Variants in GDPD3 observed in about 807,000 individuals in gnomAD.
GDPD3 encodes the protein glycerophosphodiester phosphodiesterase domain containing 3.
Under a neutral mutation model 43.7 loss-of-function variants are expected in GDPD3, and 40 were observed. The ratio of observed to expected loss-of-function variants is 0.91; its 90% CI spans 0.71 to 1.19. GDPD3 has a LOEUF of 1.19. GDPD3 is among the 50% of genes most tolerant of loss of function. The pLI, the probability that GDPD3 is intolerant of heterozygous loss-of-function variation, is 0.00. For synonymous variants in GDPD3, 145 were observed against 162.9 expected (o/e 0.89, Z 0.84); for missense variants, 363 against 415.8 (o/e 0.87, Z 1.11).
chr16:30,104,882 C>T lies in GDPD3; in HGVS notation c.947G>A (p.Arg316Gln), dbSNP rs780275940. The T allele has an allele frequency of 1.5e-5, 24 of 1,612,310 alleles. No homozygotes were observed. Among genetic ancestry groups the T allele is most frequent in the East Asian group, 2.2e-5 (1 of 44,898 alleles). ...TCGAGGCTTCTGGACTTAGGAGGTC[C>T]GGGCAGCTGGTCCATGGTTGTCCAG... ...HYLDNHGPAARTS is the reference protein window; with the variant it reads ...HYLDNHGPAAQTS Residue 316 changes from arginine to glutamine, a missense_variant, in exon 10 of 10, where the codon CGG becomes CAG. Physicochemically the swap from Arg to Gln is conservative, Grantham distance 43. Transcript: ENST00000406256.
chr16:30,113,355 C>G lies in GDPD3; in HGVS notation c.124G>C (p.Gly42Arg), dbSNP rs768216467. Residue 42 changes from glycine (G) to arginine (R), a missense_variant, in exon 1 of 10, where the codon GGG becomes CGG. Physicochemically the swap from Gly to Arg is moderately radical, Grantham distance 125 (BLOSUM62 -2). Coordinates refer to ENST00000406256, the MANE Select transcript of GDPD3 (RefSeq NM_024307.3). The surrounding 1 kb of genome is among the most constrained non-coding windows in gnomAD (Gnocchi z 5.9). The stretch of plus-strand genomic sequence containing the variant: ...CCCGGCTCACCTCCTCGGTGGGCCC[C>G]CAGGCGGATGCGGAAGGTGGGAGCC... ...PRAPTFRIRL[G>R]AHRGGSGELL... The G allele has an allele frequency of 6.2e-7, 1 of 1,605,190 alleles. No individual in the cohort carries two copies. The highest frequency in any genetic ancestry group is 1.3e-5 in the African/African-American group (1 of 74,866).
chr16:30,112,282 C>A lies in GDPD3; in HGVS notation c.483+24G>T. On this transcript the variant is annotated intron_variant, in intron 5 of 9. Coordinates refer to ENST00000406256, the MANE Select transcript of GDPD3 (RefSeq NM_024307.3). The surrounding 1 kb of genome is among the most constrained non-coding windows in gnomAD (Gnocchi z 5.4). Reference sequence around the variant, plus strand: ...GCCTCTCTCACGCCCCCGGTGGCCGCCCTAGCCCTGCCTGCAGCACCACCT... The same window carrying A: ...GCCTCTCTCACGCCCCCGGTGGCCGACCTAGCCCTGCCTGCAGCACCACCT... 6.2e-7 allele frequency: 1 copy of A among 1,613,564 alleles called. No individual in the cohort carries two copies. The highest frequency in any genetic ancestry group is 8.5e-7 in the Non-Finnish European group (1 of 1,179,468).
At chr16:30,108,795 GCTT>G (rs751425535) in intron 7 of GDPD3, among the ~76,000 whole-genome samples, 59 of 152,034 alleles carry the variant, frequency 3.9e-4, no homozygotes, top group Non-Finnish European at 6.6e-4. Flanking sequence ...GGCCTGGCCA[GCTT>G]CTTATTTATC....
Position 30,112,802 on chromosome 16 carries a change from G to T in GDPD3, c.183-9C>A. ...AGCGCTGGGCCATGGAGCTGTGGGG[G>T]TGAAGGTCAGCGGGGGGCAGGGGCA... On this transcript the variant is annotated splice_polypyrimidine_tract_variant and intron_variant, in intron 2 of 9. Coordinates refer to ENST00000406256, the MANE Select transcript of GDPD3 (RefSeq NM_024307.3). This position sits in a 1 kb window ranked among gnomAD's most constrained non-coding sequence, Gnocchi z 5.4. 1 of 1,606,400 alleles carries T rather than the reference G, an allele frequency of 6.2e-7. No individual in the cohort carries two copies. The highest frequency in any genetic ancestry group is 8.5e-7 in the Non-Finnish European group (1 of 1,179,672).
chr16:30,108,955 T>C (rs947333875), intron 7 of GDPD3, among the ~76,000 whole-genome samples: 6 of 151,814 alleles, frequency 4.0e-5, no homozygotes, highest in African/African-American at 7.3e-5. Context: ...CCTCAGCCTC[T>C]TGAGTAGCTG....
Position 30,111,785 on chromosome 16 carries a change from T to G in GDPD3, c.574-264A>C, listed in dbSNP as rs1037540921. ...CCATCTCTACTAAAAATACAAAAAT[T>G]AGCTGGGCGTGGTGGCGTGCACCTG... On this transcript the variant is annotated intron_variant, in intron 6 of 9. Coordinates refer to ENST00000406256, the MANE Select transcript of GDPD3 (RefSeq NM_024307.3). The G allele has an allele frequency of 1.7e-5, 9 of 514,496 alleles. No homozygotes were observed. In the Admixed American group the frequency reaches 3.1e-4, roughly 18 times the overall value. The allele number at this position is 514,496 out of a possible 1,614,324, so 31.9% of individuals were successfully genotyped here.
At chr16:30,105,957 A>G (rs2072857956) in intron 9 of GDPD3, among the ~76,000 whole-genome samples, 1 of 151,522 alleles carries the variant, frequency 6.6e-6, no homozygotes, top group Non-Finnish European at 1.5e-5. Flanking sequence ...CTAAAAACAG[A>G]AAAATTAGCT....
In GDPD3 at chr16:30,112,841, A is replaced by AG. The variant is rs2072914306; in HGVS notation, c.183-49dup. On this transcript the variant is annotated intron_variant, in intron 2 of 9. Coordinates refer to ENST00000406256, the MANE Select transcript of GDPD3 (RefSeq NM_024307.3). The surrounding 1 kb of genome is among the most constrained non-coding windows in gnomAD (Gnocchi z 5.4). The stretch of plus-strand genomic sequence containing the variant: ...GGGGCAGGGGCAGGGGACTGGGATG[A>AG]GGGGCATGGTGGCTGGGAGGTGGCC... The AG allele has an allele frequency of 6.3e-7, 1 of 1,588,660 alleles. No individual in the cohort carries two copies. Among genetic ancestry groups the AG allele is most frequent in the African/African-American group, 1.3e-5 (1 of 74,168 alleles).
Position 30,112,942 on chromosome 16 carries a change from G to T in GDPD3, c.182+80C>A. The T allele has an allele frequency of 6.6e-7, 1 of 1,514,346 alleles. No homozygotes were observed. The highest frequency in any genetic ancestry group is 1.1e-5 in the South Asian group (1 of 88,374). The allele number at this position is 1,514,346 out of a possible 1,614,324, so 93.8% of individuals were successfully genotyped here. On this transcript the variant is annotated intron_variant, in intron 2 of 9. Coordinates refer to ENST00000406256, the MANE Select transcript of GDPD3 (RefSeq NM_024307.3). This position sits in a 1 kb window ranked among gnomAD's most constrained non-coding sequence, Gnocchi z 5.4. ...GGCGCCAGTCACCCAGCTAGGAAGT[G>T]AATGGCGTCCCTTGCTGTGATGCAG...
At chr16:30,106,380 C>A (rs1291364896) in intron 9 of GDPD3, among the ~76,000 whole-genome samples, 1 of 152,074 alleles carries the variant, frequency 6.6e-6, no homozygotes, top group Admixed American at 6.6e-5. Context: ...TCAGGGCTTT[C>A]ATTTGTTCCT....
chr16:30,108,538 C>T (rs2072876618), intron 7 of GDPD3, 106 bp from the exon 8 acceptor site: 6 of 876,086 alleles, frequency 6.8e-6, no homozygotes, highest in Non-Finnish European at 1.1e-5. Flanking sequence ...GCCCTCCCAC[C>T]CCCCAGAATC....
rs1020242421 is a variant in GDPD3 at position 30,112,892 on chromosome 16, C to T, written c.183-99G>A. ...GGGAATGTGAGAGCGGAGTTCGTGG[C>T]GGGATGTGCAGGCCACCTCCAGGGG... On this transcript the variant is annotated intron_variant, in intron 2 of 9. Coordinates refer to ENST00000406256, the MANE Select transcript of GDPD3 (RefSeq NM_024307.3). The surrounding 1 kb of genome is among the most constrained non-coding windows in gnomAD (Gnocchi z 5.4). 4.6e-6 allele frequency: 7 copies of T among 1,516,452 alleles called. No individual in the cohort carries two copies. Among genetic ancestry groups the T allele is most frequent in the African/African-American group, 1.4e-5 (1 of 73,100 alleles). The allele number at this position is 1,516,452 out of a possible 1,614,324, so 93.9% of individuals were successfully genotyped here. A position where few individuals can be genotyped will look rare whatever the true frequency, so the allele number is the denominator to read the frequency against.
Position 30,112,168 on chromosome 16 carries a change from C to T in GDPD3, c.537G>A (p.Ser179=), listed in dbSNP as rs548222497. The T allele has an allele frequency of 1.4e-5, 22 of 1,614,086 alleles. No homozygotes were observed. In the East Asian group the frequency reaches 2.0e-4, roughly 15 times the overall value. ...YDRNEITIWA[S]EKSSVMKKCK... is the part of the protein sequence containing the mutation. Reference sequence around the variant, plus strand: ...ATTTCTTCATGACCGAGCTCTTCTCCGAGGCCCAGATGGTGATTTCATTAC... The same window carrying T: ...ATTTCTTCATGACCGAGCTCTTCTCTGAGGCCCAGATGGTGATTTCATTAC... The change falls in exon 6 of 10, where the codon TCG becomes TCA. Residue 179 remains serine (S), a synonymous_variant. Transcript: ENST00000406256. The surrounding 1 kb of genome is among the most constrained non-coding windows in gnomAD (Gnocchi z 5.4).
rs150037677 is a variant in GDPD3, at chr16:30,108,212, C to T, written c.819+1G>A. On this transcript the variant is annotated splice_donor_variant, in intron 9 of 9. Coordinates refer to ENST00000406256, the MANE Select transcript of GDPD3 (RefSeq NM_024307.3). LOFTEE classifies it high-confidence loss of function. ...GGTGGAAGTGGTGGTCACGGCCTCACCTGCACCCCTCGCTCCTCCAAGTGT... is the reference window on the plus strand; with the variant it reads ...GGTGGAAGTGGTGGTCACGGCCTCATCTGCACCCCTCGCTCCTCCAAGTGT... 7 of 1,596,782 alleles carry T rather than the reference C, an allele frequency of 4.4e-6. No individual in the cohort carries two copies. The highest frequency in any genetic ancestry group is 2.2e-5 in the East Asian group (1 of 44,626).
chr16:30,110,179 G>A (rs2072889080), intron 7 of GDPD3, among the ~76,000 whole-genome samples: 1 of 152,140 alleles, frequency 6.6e-6, no homozygotes, highest in Non-Finnish European at 1.5e-5. Context: ...GGTCACGCCT[G>A]TAATCCCAGC....
intron 9 of GDPD3, among the ~76,000 whole-genome samples, chr16:30,105,749 C>T (rs1480068236): frequency 4.0e-5 from 6 of 149,638 alleles, no homozygotes; most frequent in Non-Finnish European, 5.9e-5. Context: ...GTGATCCACC[C>T]GCCTCGGCCT....
Position 30,108,064 on chromosome 16 carries a change from G to T in GDPD3, c.819+149C>A. 3 of 614,850 alleles carry T rather than the reference G, an allele frequency of 4.9e-6. No homozygotes were observed. The South Asian group carries it at 5.9e-5, about 12-fold the overall frequency. 38.1% of individuals were successfully genotyped at this position (614,850 alleles called of 1,614,324 possible). A position where few individuals can be genotyped will look rare whatever the true frequency, so the allele number is the denominator to read the frequency against. ...TCGTGTGTGTGTGTGTGTGTATCCA[G>T]AGAGTTAAATATACCATTTTCCCAT... On this transcript the variant is annotated intron_variant, in intron 9 of 9. Transcript: ENST00000406256.
intron 9 of GDPD3, chr16:30,107,905 G>C (rs1341603807): frequency 5.4e-6 from 1 of 185,102 alleles, no homozygotes; most frequent in Non-Finnish European, 1.1e-5. Context: ...CAGGAGAATC[G>C]CTTGAACCCG....
intron 7 of GDPD3, among the ~76,000 whole-genome samples, chr16:30,108,901 A>G (rs1187674220): frequency 6.6e-6 from 1 of 151,472 alleles, no homozygotes; most frequent in Non-Finnish European, 1.5e-5. Context: ...GTGCGATCAC[A>G]GCTCACTGCA....
Sources: allele counts gnomAD v4.1 joint callset (sites outside exome capture counted in the v4.1 genomes callset), GRCh38; gene constraint gnomAD v4.1.1; non-coding constraint Gnocchi (gnomAD v3.1); transcripts MANE v1.5; gene names NCBI Gene and HGNC (gene_info 2026-07-23, HGNC 2026-07-21).